The following ATP7A variants were observed in gnomAD, a reference collection of about 807,000 sequenced individuals.
ATP7A encodes copper-transporting ATPase 1.
ATP7A carries 7 observed loss-of-function variants against 83.5 expected under a neutral mutation model. That is an observed-to-expected ratio of 0.08 (90% CI 0.05 to 0.16). The LOEUF (loss-of-function observed/expected upper bound fraction) is 0.16. Among genes scored for constraint, ATP7A ranks in the 10% least tolerant of loss-of-function variants. The pLI is 1.00. For synonymous variants in ATP7A, 354 were observed against 395.2 expected (o/e 0.90, Z 1.24); for missense variants, 940 against 1,120.8 (o/e 0.84, Z 2.30).
chrX:77,915,976 C>T (rs1212803905), intron 1 of ATP7A, among the ~76,000 whole-genome samples: 1 of 112,192 alleles, frequency 8.9e-6, no homozygotes, highest in African/African-American at 3.2e-5. Context: ...CCGCTTCAGC[C>T]TCCCAAAGTG....
chrX:78,020,686 A>C (rs782800960), intron 13 of ATP7A, among the ~76,000 whole-genome samples: 1 of 106,902 alleles, frequency 9.4e-6, no homozygotes, highest in African/African-American at 3.7e-5. Flanking sequence ...CCAGCTAATT[A>C]AAAAAATTTT....
At chrX:77,932,234 G>A (rs781935627) in intron 1 of ATP7A, among the ~76,000 whole-genome samples, 299 of 104,449 alleles carry the variant, frequency 2.9e-3, no homozygotes, top group African/African-American at 9.8e-3. Context: ...ACGGGGTCGC[G>A]GCCGGGCAGA....
chrX:77,955,616 T>G lies in ATP7A; in HGVS notation c.-21-16005T>G, dbSNP rs532987282. ...CAAATCAGGGTATTTAGCATATCTA[T>G]CACCTCATACATTTATCAGTGCTTT... is the stretch of plus-strand genomic sequence containing the variant. On this transcript the variant is annotated intron_variant, in intron 1 of 22. Transcript: ENST00000341514. Among the ~76,000 whole-genome samples the G allele has an allele frequency of 1.4e-4, 16 of 111,677 alleles. No homozygotes were observed. The South Asian group carries it at 6.0e-3, about 42-fold the overall frequency.
intron 1 of ATP7A, among the ~76,000 whole-genome samples, chrX:77,970,351 G>A (rs1441149403): frequency 8.9e-6 from 1 of 111,834 alleles, no homozygotes; most frequent in African/African-American, 3.2e-5. Context: ...ACACCTTGTC[G>A]CTTCTACCGT....
chrX:77,959,774 T>G (rs1193538455), intron 1 of ATP7A, among the ~76,000 whole-genome samples: 1 of 112,554 alleles, frequency 8.9e-6, no homozygotes, highest in Non-Finnish European at 1.9e-5. Context: ...TTAGCAACAT[T>G]GTTGCAATGA....
In ATP7A at chrX:78,020,993, T is replaced by C. The variant is rs782143115; in HGVS notation, c.2830T>C (p.Phe944Leu). The change falls in exon 14 of 23, where the codon TTT becomes CTT. Residue 944 changes from phenylalanine to leucine, a missense_variant. Phe to Leu is a conservative substitution (Grantham distance 22, BLOSUM62 0). Coordinates refer to ENST00000341514, the MANE Select transcript of ATP7A (RefSeq NM_000052.7). ...CAAACTCAGTGGCTATTTTGTTCCTTTTATTGTTTTTGTTTCCATTGCCAC... is the reference window on the plus strand; with the variant it reads ...CAAACTCAGTGGCTATTTTGTTCCTCTTATTGTTTTTGTTTCCATTGCCAC... The part of the protein sequence containing the change: ...ADKLSGYFVP[F>L]IVFVSIATLL... The C allele has an allele frequency of 1.8e-5, 22 of 1,204,588 alleles. No individual in the cohort carries two copies. In the South Asian group the frequency reaches 3.9e-4, roughly 21 times the overall value.
rs10521359 is a variant in ATP7A, at chrX:77,977,137, T to A, written c.120+5376T>A. Among the ~76,000 whole-genome samples, 665 of 112,467 alleles carry A rather than the reference T, an allele frequency of 5.9e-3. 3 individuals carry two copies. Among genetic ancestry groups the A allele is most frequent in the African/African-American group, 0.02 (625 of 31,037 alleles). ...TAGGCATATTTTGCAGTTTGTTGAT[T>A]AGTAAAGAGAATAGTAAAAGTAGCT... On this transcript the variant is annotated intron_variant, in intron 2 of 22. Transcript: ENST00000341514.
intron 2 of ATP7A, among the ~76,000 whole-genome samples, chrX:77,979,573 T>G (rs2077593992): frequency 8.9e-6 from 1 of 112,313 alleles, no homozygotes; most frequent in African/African-American, 3.2e-5. Flanking sequence ...ACTTCTAGGA[T>G]TATAATTAAG....
chrX:77,972,042 T>C (rs782676958), intron 2 of ATP7A, among the ~76,000 whole-genome samples: 21 of 112,032 alleles, frequency 1.9e-4, no homozygotes, highest in Non-Finnish European at 3.8e-4. Context: ...ATTTATATAC[T>C]GTTTATTACT....
intron 18 of ATP7A, among the ~76,000 whole-genome samples, chrX:78,040,225 A>G (rs1557238204): frequency 3.0e-5 from 3 of 101,652 alleles, no homozygotes; most frequent in Non-Finnish European, 6.1e-5. Flanking sequence ...CTTAAAAAGA[A>G]AAAAAGTATT....
chrX:78,020,620 C>T (rs1557235649), intron 13 of ATP7A, among the ~76,000 whole-genome samples: 1 of 111,358 alleles, frequency 9.0e-6, no homozygotes, highest in Non-Finnish European at 1.9e-5. Flanking sequence ...TCAAGCGATC[C>T]TTCTGCCTCA....
At chrX:77,949,145 C>T (rs2077400063) in intron 1 of ATP7A, among the ~76,000 whole-genome samples, 1 of 111,671 alleles carries the variant, frequency 9.0e-6, no homozygotes, top group South Asian at 3.7e-4. Flanking sequence ...CCACCTTGGC[C>T]TCCCAAAATG....
Position 78,046,033 on chromosome X carries a change from T to G in ATP7A, c.4227-261T>G, listed in dbSNP as rs887679690. 2.7e-5 allele frequency among the ~76,000 whole-genome samples: 3 copies of G among 112,206 alleles called. No individual in the cohort carries two copies. The Admixed American group carries it at 2.8e-4, about 11-fold the overall frequency. On this transcript the variant is annotated intron_variant, in intron 22 of 22. Coordinates refer to ENST00000341514, the MANE Select transcript of ATP7A (RefSeq NM_000052.7). ...CTAACAGTAATAATTAGCTATGTAA[T>G]TGTTACTTCGTGTACTTTATGCATA... is the stretch of plus-strand genomic sequence containing the variant.
intron 1 of ATP7A, among the ~76,000 whole-genome samples, chrX:77,967,966 A>C (rs2077519807): frequency 9.0e-6 from 1 of 111,403 alleles, no homozygotes; most frequent in Non-Finnish European, 1.9e-5. Flanking sequence ...TTTTAATTGC[A>C]CATCACTCCT....
chrX:77,977,125 C>A (rs1458794789), intron 2 of ATP7A, among the ~76,000 whole-genome samples: 1 of 112,095 alleles, frequency 8.9e-6, no homozygotes, highest in Non-Finnish European at 1.9e-5. Context: ...GCATATTTTG[C>A]AGTTTGTTGA....
At chrX:78,041,279 C>CT (rs1278465220) in intron 19 of ATP7A, among the ~76,000 whole-genome samples, 9 of 107,576 alleles carry the variant, frequency 8.4e-5, no homozygotes, top group South Asian at 4.0e-4. Context: ...TCTTTTGTTT[C>CT]TTTTTTTTTT....
At chrX:77,993,574 A>G (rs2077682099) in intron 4 of ATP7A, among the ~76,000 whole-genome samples, 2 of 111,931 alleles carry the variant, frequency 1.8e-5, no homozygotes, top group African/African-American at 6.5e-5. Context: ...TATCAGTCAT[A>G]ACAACATTTC....
Position 78,006,999 on chromosome X carries a change from T to C in ATP7A, c.1708-2103T>C, listed in dbSNP as rs556775703. Reference sequence around the variant, plus strand: ...ATATACAAGTTTTTGTGTGAACTTATGTTTTTAATTCCCTTGGGGATATAC... The same window carrying C: ...ATATACAAGTTTTTGTGTGAACTTACGTTTTTAATTCCCTTGGGGATATAC... On this transcript the variant is annotated intron_variant, in intron 6 of 22. Transcript: ENST00000341514. Among the ~76,000 whole-genome samples the C allele has an allele frequency of 4.5e-5, 5 of 111,049 alleles. No homozygotes were observed. In the South Asian group the frequency reaches 1.8e-3, roughly 41 times the overall value.
chrX:78,011,182 G>T lies in ATP7A; in HGVS notation c.1876G>T (p.Gly626Cys). The T allele has an allele frequency of 8.3e-7, 1 of 1,208,757 alleles. No individual in the cohort carries two copies. Among genetic ancestry groups the T allele is most frequent in the South Asian group, 1.8e-5 (1 of 56,881 alleles). Residue 626 changes from glycine to cysteine, a missense_variant, in exon 8 of 23, where the codon GGT becomes TGT. By Grantham distance (159) the Gly-to-Cys change is radical. Around this residue, in one of 3 missense-constraint regions of ATP7A, gnomAD observed 204 missense variants for 185.8 expected, o/e 1.10. Transcript: ENST00000341514. Reference sequence around the variant, plus strand: ...TTCTCATGAATTTCCTTAGAGCTTAGGTTTTGAAGCTTCTTTGGTCAAGAA... The same window carrying T: ...TTCTCATGAATTTCCTTAGAGCTTATGTTTTGAAGCTTCTTTGGTCAAGAA... ...RDIIHTIESL[G>C]FEASLVKKDR...
Sources: gnomAD v4.1 joint callset for allele counts (sites outside exome capture counted in the v4.1 genomes callset) on GRCh38, gnomAD v4.1.1 for gene constraint, gnomAD v4.1.1 regional missense constraint, MANE v1.5 for transcripts, NCBI Gene and HGNC (gene_info 2026-07-23, HGNC 2026-07-21) for gene names.